The following CGAS variants were observed in gnomAD, a reference collection of about 807,000 sequenced individuals.
CGAS encodes the protein 2'3'-cGAMP synthase.
Under a neutral mutation model 34.0 loss-of-function variants are expected in CGAS, and 31 were observed. The ratio of observed to expected loss-of-function variants is 0.91; its 90% CI spans 0.69 to 1.23. CGAS has a LOEUF of 1.23. Ranked by LOEUF, CGAS falls within the 50% of genes most tolerant of loss-of-function variation. CGAS has a pLI of 0.00. For missense variants in CGAS, 597 were observed against 657.6 expected (o/e 0.91, Z 1.01); for synonymous variants, 266 against 260.0 (o/e 1.02, Z -0.22).
intron 3 of CGAS, 74 bp downstream of exon 3, chr6:73,440,135 G>T: frequency 7.5e-7 from 1 of 1,338,514 alleles, no homozygotes; most frequent in Admixed American, 2.4e-5. Context: ...GTTGGCTGTT[G>T]ATCTTTTACT....
At chr6:73,450,097 G>GAGAGAAGAGAAGAGAAGAGA (rs149585527) in intron 1 of CGAS, among the ~76,000 whole-genome samples, 14 of 149,958 alleles carry the variant, frequency 9.3e-5, no homozygotes, top group South Asian at 8.5e-4. Context: ...CAGAGAGATA[G>GAGAGAAGAGAAGAGAAGAGA]AGAGAAGAGA....
intron 3 of CGAS, 85 bp downstream of exon 3, chr6:73,440,124 G>C: frequency 1.7e-6 from 2 of 1,201,824 alleles, no homozygotes; most frequent in Non-Finnish European, 2.3e-6. Flanking sequence ...CAACAGCATT[G>C]GTTGGCTGTT....
intron 2 of CGAS, 135 bp downstream of exon 2, chr6:73,445,393 T>C: frequency 4.1e-6 from 2 of 483,824 alleles, no homozygotes; most frequent in Non-Finnish European, 7.5e-6. Context: ...TGTACACTCC[T>C]CTACTGATGT....
In CGAS at chr6:73,445,622, A is replaced by T. The variant is rs775885294; in HGVS notation, c.783T>A (p.Pro261=). 6.8e-6 allele frequency: 11 copies of T among 1,612,576 alleles called. No individual in the cohort carries two copies. Reference sequence around the variant, plus strand: ...TTTCACCTTCTAAAAACTGACTCAGAGGATTTTCTTTCGGATTTCTTTTAA... The same window carrying T: ...TTTCACCTTCTAAAAACTGACTCAGTGGATTTTCTTTCGGATTTCTTTTAA... ...VKFKRNPKEN[P]LSQFLEGEIL... Residue 261 remains proline (P), a synonymous_variant, in exon 2 of 5, where the codon CCT becomes CCA. Coordinates refer to ENST00000370315, the MANE Select transcript of CGAS (RefSeq NM_138441.3).
chr6:73,436,574 G>T (rs979050957), intron 3 of CGAS, among the ~76,000 whole-genome samples: 20 of 151,820 alleles, frequency 1.3e-4, no homozygotes, highest in African/African-American at 4.4e-4. Context: ...CCAGGCTAGA[G>T]TGCAGTGGCA....
In CGAS at chr6:73,423,926, T is replaced by C. The variant is rs963507831; in HGVS notation, c.*1301A>G. On this transcript the variant is annotated 3_prime_UTR_variant, in exon 5 of 5. Coordinates refer to ENST00000370315, the MANE Select transcript of CGAS (RefSeq NM_138441.3). ...TAAATACCCCAAATATATTAAGAAC[T>C]TCCCAAAACAATGAGAAGAAAACTA... The C allele has an allele frequency of 6.6e-6, 1 of 152,074 alleles. No homozygotes were observed. Among genetic ancestry groups the C allele is most frequent in the African/African-American group, 2.4e-5 (1 of 41,422 alleles). The allele number at this position is 152,074 out of a possible 1,614,324, so 9.4% of individuals were successfully genotyped here.
At chr6:73,447,923 C>T (rs530960680) in intron 1 of CGAS, among the ~76,000 whole-genome samples, 133 of 152,324 alleles carry the variant, frequency 8.7e-4, no homozygotes, top group African/African-American at 3.0e-3. Flanking sequence ...CTACACATAA[C>T]GATTTCATCA....
intron 3 of CGAS, among the ~76,000 whole-genome samples, chr6:73,438,246 A>C (rs190043590): frequency 2.0e-3 from 303 of 152,290 alleles, no homozygotes; most frequent in African/African-American, 7.1e-3. Flanking sequence ...GTTCACATAC[A>C]CTCACACACA....
Position 73,425,674 on chromosome 6 carries a change from T to C in CGAS, c.1218-96A>G, listed in dbSNP as rs1770073524. The C allele has an allele frequency of 5.1e-6, 4 of 790,194 alleles. No individual in the cohort carries two copies. The East Asian group carries it at 1.1e-4, about 22-fold the overall frequency. 48.9% of individuals were successfully genotyped at this position (790,194 alleles called of 1,614,324 possible). A position where few individuals can be genotyped will look rare whatever the true frequency, so the allele number is the denominator to read the frequency against. On this transcript the variant is annotated intron_variant, in intron 4 of 4. Coordinates refer to ENST00000370315, the MANE Select transcript of CGAS (RefSeq NM_138441.3). ...AGCAAAAATATAAACAATAAAGATA[T>C]ATAATAACATAAATATAGGCCGGGC...
chr6:73,437,316 G>A (rs899897891), intron 3 of CGAS, among the ~76,000 whole-genome samples: 11 of 152,068 alleles, frequency 7.2e-5, no homozygotes, highest in Admixed American at 3.3e-4. Flanking sequence ...TTGGAACCAC[G>A]TATATGCTTT....
intron 1 of CGAS, among the ~76,000 whole-genome samples, chr6:73,450,660 A>G (rs1770549436): frequency 6.6e-6 from 1 of 152,074 alleles, no homozygotes. Flanking sequence ...GTTTAACATT[A>G]TACTGTAAGC....
chr6:73,434,704 G>A (rs1306458773), intron 3 of CGAS, among the ~76,000 whole-genome samples: 2 of 151,872 alleles, frequency 1.3e-5, no homozygotes, highest in Non-Finnish European at 2.9e-5. Flanking sequence ...CTGGAGTGCA[G>A]TGGCATGATC....
intron 3 of CGAS, among the ~76,000 whole-genome samples, chr6:73,434,376 T>G (rs1770244158): frequency 6.6e-6 from 1 of 152,172 alleles, no homozygotes; most frequent in Non-Finnish European, 1.5e-5. Context: ...GTACCGTTGA[T>G]AAAATTTGAT....
chr6:73,445,737 G>T lies in CGAS; in HGVS notation c.668C>A (p.Pro223His). 6.3e-7 allele frequency: 1 copy of T among 1,598,632 alleles called. No individual in the cohort carries two copies. Among genetic ancestry groups the T allele is most frequent in the South Asian group, 1.1e-5 (1 of 87,456 alleles). The change falls in exon 2 of 5, where the codon CCT becomes CAT. Residue 223 changes from proline (P) to histidine (H), a missense_variant. Pro to His is a moderately conservative substitution (Grantham distance 77, BLOSUM62 -2). Around this residue, in one of 3 missense-constraint regions of CGAS, gnomAD observed 321 missense variants for 314.3 expected, o/e 1.02. Transcript: ENST00000370315. The stretch of plus-strand genomic sequence containing the variant: ...TTTAAACATGACATCAAATTCATTA[G>T]GTGCAGAAATCTAAGAAACAGTAAA... ...SYYEHVKISA[P>H]NEFDVMFKLE...
chr6:73,427,039 G>A (rs1770101860), intron 4 of CGAS, among the ~76,000 whole-genome samples: 2 of 151,486 alleles, frequency 1.3e-5, no homozygotes, highest in South Asian at 2.1e-4. Flanking sequence ...TTGTAGAGAC[G>A]GGGTTTCATA....
At position 73,430,577 on chromosome 6, in the gene CGAS, G is replaced by C. The variant is rs112174149; in HGVS notation, c.1115-1766C>G. On this transcript the variant is annotated intron_variant, in intron 3 of 4. Transcript: ENST00000370315. The stretch of plus-strand genomic sequence containing the variant: ...AATCCCTTGAACCCGGAATGCCGAG[G>C]TTGCAGTGAGTCGAGATCACGCCAC... Among the ~76,000 whole-genome samples the C allele has an allele frequency of 2.4e-3, 364 of 151,956 alleles. 2 individuals are homozygous for C. Among genetic ancestry groups the C allele is most frequent in the Non-Finnish European group, 3.2e-3 (219 of 67,984 alleles).
chr6:73,437,966 T>C (rs994579660), intron 3 of CGAS, among the ~76,000 whole-genome samples: 7 of 151,876 alleles, frequency 4.6e-5, no homozygotes, highest in Non-Finnish European at 5.9e-5. Flanking sequence ...CTACTCGAGA[T>C]GCTGAAGTGG....
chr6:73,440,388 A>G lies in CGAS; in HGVS notation c.935T>C (p.Ile312Thr). ...RGGSPAVTLL[I>T]SEKISVDITL... ...TATATCCACAGATATTTTTTCACTAATAAGAAGTGTTACAGCAGGGCTCCC... is the reference window on the plus strand; with the variant it reads ...TATATCCACAGATATTTTTTCACTAGTAAGAAGTGTTACAGCAGGGCTCCC... The change falls in exon 3 of 5, where the codon ATT becomes ACT. Residue 312 changes from isoleucine to threonine, a missense_variant. Ile to Thr is a moderately conservative substitution (Grantham distance 89). This residue lies in a region of CGAS where 271 missense variants were observed against 324.1 expected (regional missense o/e 0.84). Transcript: ENST00000370315. 1 of 1,614,162 alleles carries G rather than the reference A, an allele frequency of 6.2e-7. No homozygotes were observed.
intron 2 of CGAS, among the ~76,000 whole-genome samples, chr6:73,443,302 C>T (rs944426831): frequency 6.2e-5 from 9 of 145,996 alleles, no homozygotes; most frequent in African/African-American, 1.8e-4. Context: ...TTCAGTGGCG[C>T]GGTCTCAGCT....
Sources: allele counts gnomAD v4.1 joint callset (sites outside exome capture counted in the v4.1 genomes callset), GRCh38; gene constraint gnomAD v4.1.1; regional missense constraint gnomAD v4.1.1; transcripts MANE v1.5; gene names NCBI Gene and HGNC (gene_info 2026-07-23, HGNC 2026-07-21).